The following NIPA2 variants were observed in gnomAD, a reference collection of about 807,000 sequenced individuals.
NIPA2 encodes the protein magnesium transporter NIPA2.
Under a neutral mutation model 29.7 loss-of-function variants are expected in NIPA2, and 11 were observed. The observed-to-expected ratio is 0.37, with a 90% CI of 0.23 to 0.61. The LOEUF is 0.61. NIPA2 is among the 20% of genes least tolerant of loss of function. NIPA2 has a pLI of 0.66. For synonymous variants in NIPA2, 183 were observed against 161.9 expected (o/e 1.13, Z -0.99); for missense variants, 426 against 437.9 (o/e 0.97, Z 0.24).
At chr15:22,860,887 C>G (rs1566861709) in intron 7 of NIPA2, 98 bp downstream of exon 7, 1 of 845,252 alleles carries the variant, frequency 1.2e-6, no homozygotes, top group Middle Eastern at 2.4e-4. Flanking sequence ...AGAAATTGTT[C>G]CACCTGGTAG....
rs1234165194 is a variant in NIPA2, at chr15:22,867,912, A to T, written c.*1065A>T. 2 of 152,248 alleles carry T rather than the reference A, an allele frequency of 1.3e-5. No individual in the cohort carries two copies. The highest frequency in any genetic ancestry group is 2.9e-5 in the Non-Finnish European group (2 of 68,042). 9.4% of individuals were successfully genotyped at this position (152,248 alleles called of 1,614,324 possible). ...TGCAGAAAAGGTAGAATAATAAAAA[A>T]GGTCTAATGAACTCCATTCAGCTTT... On this transcript the variant is annotated 3_prime_UTR_variant, in exon 8 of 8. Transcript: ENST00000337451.
chr15:22,857,057 C>A (rs868656410), intron 5 of NIPA2, among the ~76,000 whole-genome samples: 25 of 152,046 alleles, frequency 1.6e-4, no homozygotes, highest in African/African-American at 5.6e-4. Context: ...GCACTTTATT[C>A]TTTTCCCTCA....
At chr15:22,851,613 A>G (rs2057748549) in intron 3 of NIPA2, 26 bp from the exon 4 acceptor site, 4 of 776,456 alleles carry the variant, frequency 5.2e-6, no homozygotes, top group Non-Finnish European at 7.8e-6. Context: ...TTCTGTGAAA[A>G]CCACATTTCA....
rs1477950764 is a variant in NIPA2 at position 22,868,329 on chromosome 15, G to C, written c.*1482G>C. On this transcript the variant is annotated 3_prime_UTR_variant, in exon 8 of 8. Transcript: ENST00000337451. ...AAGAACCAGTTTTCTCCCCCTTGAG[G>C]ACAGAGACTCATTTGAACATGCATA... 1.3e-5 allele frequency: 2 copies of C among 152,122 alleles called. No homozygotes were observed. The highest frequency in any genetic ancestry group is 4.8e-5 in the African/African-American group (2 of 41,408). The allele number at this position is 152,122 out of a possible 1,614,324, so 9.4% of individuals were successfully genotyped here. A position where few individuals can be genotyped will look rare whatever the true frequency, so the allele number is the denominator to read the frequency against.
intron 7 of NIPA2, 41 bp downstream of exon 7, chr15:22,860,830 T>C: frequency 6.8e-7 from 1 of 1,476,914 alleles, no homozygotes; most frequent in Non-Finnish European, 9.2e-7. Flanking sequence ...ATTTTACTTT[T>C]TAACTTAGTT....
Position 22,866,532 on chromosome 15 carries a change from T to TACA in NIPA2, c.772_774dup (p.Thr258dup). ...TGACTCCAATATATTATGTATTCTTTACAACATCAGTTTTAACTTGTTCAG... is the reference window on the plus strand; with the variant it reads ...TGACTCCAATATATTATGTATTCTTTACAACAACATCAGTTTTAACTTGTTCAG... On this transcript the variant is annotated inframe_insertion, in exon 8 of 8. Coordinates refer to ENST00000337451, the MANE Select transcript of NIPA2 (RefSeq NM_030922.7). 1 of 1,613,968 alleles carries TACA rather than the reference T, an allele frequency of 6.2e-7. No individual in the cohort carries two copies. The highest frequency in any genetic ancestry group is 8.5e-7 in the Non-Finnish European group (1 of 1,179,804).
intron 4 of NIPA2, 28 bp from the exon 5 acceptor site, chr15:22,853,184 A>G (rs1195788269): frequency 6.6e-7 from 1 of 1,525,420 alleles, no homozygotes. Context: ...CAGTCTTCCA[A>G]AGATGTGAAA....
chr15:22,852,121 A>G (rs985106204), intron 4 of NIPA2, among the ~76,000 whole-genome samples: 1 of 152,224 alleles, frequency 6.6e-6, no homozygotes, highest in Non-Finnish European at 1.5e-5. Context: ...ATGCCCAAGT[A>G]ATATCCAACC....
rs984381164 is a variant in NIPA2 at position 22,842,839 on chromosome 15, A to T, written c.-215-2307A>T. ...GCGAGACTCTGCATCCAAAAAAATT[A>T]AAAAATGCAAAAAATTTGCCTAGTG... On this transcript the variant is annotated intron_variant, in intron 2 of 7. Coordinates refer to ENST00000337451, the MANE Select transcript of NIPA2 (RefSeq NM_030922.7). 4.6e-5 allele frequency among the ~76,000 whole-genome samples: 7 copies of T among 151,820 alleles called. No homozygotes were observed. In the East Asian group the frequency reaches 9.7e-4, roughly 21 times the overall value.
At chr15:22,846,135 AAC>A (rs1408692505) in intron 3 of NIPA2, among the ~76,000 whole-genome samples, 19 of 152,164 alleles carry the variant, frequency 1.2e-4, no homozygotes, top group Non-Finnish European at 2.5e-4. Flanking sequence ...CTTAGGATAG[AAC>A]GGAGAACCAG....
chr15:22,842,650 G>A (rs1165157840), intron 2 of NIPA2, among the ~76,000 whole-genome samples: 8 of 151,980 alleles, frequency 5.3e-5, no homozygotes, highest in Admixed American at 3.3e-4. Context: ...CCAACATGGC[G>A]AAACCCCATC....
At chr15:22,861,540 T>G (rs930884197) in intron 7 of NIPA2, among the ~76,000 whole-genome samples, 4 of 152,188 alleles carry the variant, frequency 2.6e-5, no homozygotes, top group Non-Finnish European at 4.4e-5. Flanking sequence ...TCTCAAAATG[T>G]TTTTAACCTA....
intron 4 of NIPA2, 48 bp from the exon 5 acceptor site, chr15:22,853,164 A>G (rs2057900742): frequency 1.6e-6 from 2 of 1,228,394 alleles, no homozygotes; most frequent in Admixed American, 1.8e-5. Flanking sequence ...TAATTTATAC[A>G]AGAGTCTTAC....
At chr15:22,853,430 G>A (rs1021058992) in intron 5 of NIPA2, among the ~76,000 whole-genome samples, 162 bp downstream of exon 5, 1 of 148,880 alleles carries the variant, frequency 6.7e-6, no homozygotes, top group Non-Finnish European at 1.5e-5. Flanking sequence ...CTGGAGTGCA[G>A]TGGCGTGATC....
At position 22,867,687 on chromosome 15, in the gene NIPA2, A is replaced by AG. The variant is rs35420735; in HGVS notation, c.*840_*841insG. ...ATAGAAGACTAGGGTTGTTTCTTAA[A>AG]TTTAGCTCATGTTATAATAAAAAGT... On this transcript the variant is annotated 3_prime_UTR_variant, in exon 8 of 8. Coordinates refer to ENST00000337451, the MANE Select transcript of NIPA2 (RefSeq NM_030922.7). 56,218 of 152,526 alleles carry AG rather than the reference A, an allele frequency of 0.37. 11,048 individuals are homozygous for AG. Among genetic ancestry groups the AG allele is most frequent in the Middle Eastern group, 0.46 (136 of 294 alleles). 9.4% of individuals were successfully genotyped at this position (152,526 alleles called of 1,614,324 possible).
intron 4 of NIPA2, among the ~76,000 whole-genome samples, chr15:22,852,983 G>C (rs1015729698): frequency 1.3e-5 from 2 of 152,188 alleles, no homozygotes; most frequent in Non-Finnish European, 2.9e-5. Flanking sequence ...AGTCCCTGAT[G>C]CTTGGTCCTA....
chr15:22,851,128 G>C (rs1382081712), intron 3 of NIPA2, among the ~76,000 whole-genome samples: 1 of 152,142 alleles, frequency 6.6e-6, no homozygotes, highest in Non-Finnish European at 1.5e-5. Context: ...GTTACCCTCT[G>C]ATAAATAATG....
Position 22,861,048 on chromosome 15 carries a change from T to A in NIPA2, c.448+259T>A, listed in dbSNP as rs370764373. 2.4e-4 allele frequency among the ~76,000 whole-genome samples: 37 copies of A among 152,334 alleles called. No individual in the cohort carries two copies. The East Asian group carries it at 7.1e-3, about 29-fold the overall frequency. Reference sequence around the variant, plus strand: ...AGGCATTATCTGTTTTACCTTTTATTTACTGTACCTATATAGTTTTCTTGA... The same window carrying A: ...AGGCATTATCTGTTTTACCTTTTATATACTGTACCTATATAGTTTTCTTGA... On this transcript the variant is annotated intron_variant, in intron 7 of 7. Transcript: ENST00000337451.
Position 22,867,458 on chromosome 15 carries a change from T to G in NIPA2, c.*611T>G. On this transcript the variant is annotated 3_prime_UTR_variant, in exon 8 of 8. Transcript: ENST00000337451. The stretch of plus-strand genomic sequence containing the variant: ...TTGAGATGATCACCGTGAATCCGGC[T>G]TCCTCTGAGCATTCGATGGCCTTAG... 1 of 343,282 alleles carries G rather than the reference T, an allele frequency of 2.9e-6. No homozygotes were observed. 21.3% of individuals were successfully genotyped at this position (343,282 alleles called of 1,614,324 possible). A position where few individuals can be genotyped will look rare whatever the true frequency, so the allele number is the denominator to read the frequency against.
Sources: allele counts gnomAD v4.1 joint callset (sites outside exome capture counted in the v4.1 genomes callset), GRCh38; gene constraint gnomAD v4.1.1; transcripts MANE v1.5; gene names NCBI Gene and HGNC (gene_info 2026-07-23, HGNC 2026-07-21).